NBPF20: variants seen among roughly 807,000 people sequenced by gnomAD.
The protein encoded by NBPF20 is NBPF family member NBPF20.
A neutral mutation model predicts 68.1 loss-of-function variants in NBPF20; 90 were observed. That is an observed-to-expected ratio of 1.32 (90% CI 1.11 to 1.58). The LOEUF (loss-of-function observed/expected upper bound fraction) is 1.58, where lower values mean the gene tolerates loss of function less well. NBPF20 is among the 40% of genes most tolerant of loss of function. The pLI, the probability that NBPF20 is intolerant of heterozygous loss-of-function variation, is 0.00. For synonymous variants in NBPF20, 290 were observed against 228.1 expected (o/e 1.27, Z -2.45); for missense variants, 816 against 601.2 (o/e 1.36, Z -3.74).
intron 129 of NBPF20, among the ~76,000 whole-genome samples, chr1:145,298,361 C>A (rs1661341549): frequency 6.9e-6 from 1 of 144,114 alleles, no homozygotes. Flanking sequence ...CACACAGACA[C>A]ACACACACAG....
upstream of NBPF20, among the ~76,000 whole-genome samples, chr1:145,406,634 G>A (rs1662802698): frequency 6.7e-6 from 1 of 149,810 alleles, no homozygotes. Flanking sequence ...TGCCAGGTGT[G>A]TAGTGATATC....
At chr1:145,397,866 C>G (rs1352030110) in intron 7 of NBPF20, among the ~76,000 whole-genome samples, 16 of 152,176 alleles carry the variant, frequency 1.1e-4, no homozygotes, top group Non-Finnish European at 1.9e-4. Context: ...CACACATAGG[C>G]TCAAACTAAA....
chr1:145,415,415 ACAGACCCTTTACGG>A, the NBPF20 span, among the ~76,000 whole-genome samples: 1 of 151,428 alleles, frequency 6.6e-6, no homozygotes, highest in East Asian at 1.9e-4. Flanking sequence ...CCTCCTCAGC[ACAGACCCTTTACGG>A]GTGTCGGGCT....
At chr1:145,410,886 T>C in the NBPF20 span, among the ~76,000 whole-genome samples, 1 of 124,330 alleles carries the variant, frequency 8.0e-6, no homozygotes, top group Admixed American at 7.6e-5. Context: ...TATATATGTA[T>C]ACACACACAC....
chr1:145,400,729 G>A, intron 5 of NBPF20, 135 bp from the exon 11 acceptor site: 1 of 1,417,996 alleles, frequency 7.1e-7, no homozygotes, highest in South Asian at 1.2e-5. Context: ...CCCATTAAGG[G>A]GGAACATGCA....
chr1:145,291,766 G>C (rs782704529), exon 138 of NBPF20: 8 of 1,611,876 alleles, frequency 5.0e-6, no homozygotes, highest in South Asian at 2.2e-5. Flanking sequence ...GCACGCCGTT[G>C]AGCCTGGAAA....
chr1:145,404,990 CTACAAG>C (rs1377032271), intron 2 of NBPF20, 102 bp downstream of exon 7: 35 of 1,479,882 alleles, frequency 2.4e-5, no homozygotes, highest in Middle Eastern at 2.4e-4. Flanking sequence ...TTCTGTTTTC[CTACAAG>C]TACAAGAAGG....
chr1:145,419,444 C>A, the NBPF20 span, among the ~76,000 whole-genome samples: 1 of 152,164 alleles, frequency 6.6e-6, no homozygotes, highest in African/African-American at 2.4e-5. Context: ...CCCACTGTTG[C>A]CAGAGACACT....
At position 145,377,930 on chromosome 1, in the gene NBPF20, G is replaced by A. The variant is rs1445039811; in HGVS notation, c.3464+113C>T. ...TGAAAACCAACAGCAATGTCAGGAG[G>A]AGTAATTCAACCTTCGTTGAAAACA... is the stretch of plus-strand genomic sequence containing the variant. On this transcript the variant is annotated intron_variant, in intron 29 of 137. Coordinates refer to ENST00000369373, the Ensembl canonical transcript of NBPF20. 7.5e-6 allele frequency: 3 copies of A among 398,100 alleles called. No homozygotes were observed. The East Asian group carries it at 1.6e-4, about 22-fold the overall frequency. 24.7% of individuals were successfully genotyped at this position (398,100 alleles called of 1,614,324 possible).
exon 6 of NBPF20, chr1:145,400,504 G>A: frequency 1.2e-6 from 2 of 1,613,010 alleles, no homozygotes; most frequent in South Asian, 1.1e-5. Flanking sequence ...GCTGGTTGGA[G>A]TCATAAGGGC....
At chr1:145,292,080 C>A (rs1553657969) in intron 137 of NBPF20, among the ~76,000 whole-genome samples, 2 of 149,374 alleles carry the variant, frequency 1.3e-5, no homozygotes, top group African/African-American at 2.6e-5. Flanking sequence ...TGACACACAG[C>A]AAACTGTGAT....
intron 109 of NBPF20, among the ~76,000 whole-genome samples, 197 bp from the exon 115 acceptor site, chr1:145,314,201 G>GAC (rs1165363505): frequency 0.011 from 1,382 of 124,472 alleles, 4 homozygotes; most frequent in African/African-American, 0.02. Context: ...AAGACAGATA[G>GAC]ACACACACAC....
chr1:145,408,124 G>A (rs1203686436), upstream of NBPF20: 37 of 217,538 alleles, frequency 1.7e-4, 2 homozygotes, highest in South Asian at 1.1e-3. Context: ...AATTTCATCA[G>A]CAAGTAATGT....
chr1:145,409,782 C>G (rs1571385140), upstream of NBPF20, among the ~76,000 whole-genome samples: 1 of 151,872 alleles, frequency 6.6e-6, no homozygotes, highest in South Asian at 2.1e-4. Flanking sequence ...AGAAGTTAAT[C>G]ATTTATGTAT....
intron 129 of NBPF20, among the ~76,000 whole-genome samples, chr1:145,298,444 C>A (rs1661349132): frequency 7.4e-6 from 1 of 134,992 alleles, no homozygotes; most frequent in African/African-American, 3.2e-5. Context: ...GAGGGAGTAA[C>A]AGGACACTCT....
At chr1:145,311,972 A>G in intron 112 of NBPF20, among the ~76,000 whole-genome samples, 1 of 89,620 alleles carries the variant, frequency 1.1e-5, no homozygotes. Flanking sequence ...ACGTCATGAG[A>G]GTAGGATTAG....
chr1:145,393,277 C>T lies in NBPF20; in HGVS notation c.1044-31G>A, dbSNP rs1159521330. Reference sequence around the variant, plus strand: ...AAAGTGGGAAAAAGTAAAGAATAAGCCAGGGGGAATCAGAAACCACACAGC... The same window carrying T: ...AAAGTGGGAAAAAGTAAAGAATAAGTCAGGGGGAATCAGAAACCACACAGC... On this transcript the variant is annotated intron_variant, in intron 9 of 137. Coordinates refer to ENST00000369373, the Ensembl canonical transcript of NBPF20. 6.0e-5 allele frequency: 40 copies of T among 661,912 alleles called. No individual in the cohort carries two copies. The African/African-American group carries it at 6.9e-4, about 11-fold the overall frequency. 41.0% of individuals were successfully genotyped at this position (661,912 alleles called of 1,614,324 possible). A position where few individuals can be genotyped will look rare whatever the true frequency, so the allele number is the denominator to read the frequency against.
chr1:145,292,740 C>T (rs1553658489), intron 136 of NBPF20, among the ~76,000 whole-genome samples: 1 of 133,806 alleles, frequency 7.5e-6, no homozygotes, highest in East Asian at 2.1e-4. Context: ...CAAGTTTGTG[C>T]AAACAGTTAT....
exon 1 of NBPF20, chr1:145,405,466 C>G (rs1302014669): frequency 4.5e-5 from 69 of 1,544,232 alleles, no homozygotes; most frequent in Non-Finnish European, 5.1e-5. Context: ...ACCACAAAAA[C>G]AAGGTTCAAG....
Sources: allele counts gnomAD v4.1 joint callset (sites outside exome capture counted in the v4.1 genomes callset), GRCh38; gene constraint gnomAD v4.1.1; transcripts MANE v1.5; gene names NCBI Gene and HGNC (gene_info 2026-07-23, HGNC 2026-07-21).